Variants in ATP11A observed in about 807,000 individuals in gnomAD.
ATP11A encodes ATPase phospholipid transporting 11A, also known as phospholipid-transporting ATPase IH.
ATP11A carries 81 observed loss-of-function variants against 154.4 expected under a neutral mutation model. The ratio of observed to expected loss-of-function variants is 0.52; its 90% confidence interval spans 0.44 to 0.63. ATP11A has a LOEUF of 0.63. Ranked by LOEUF, ATP11A falls within the 30% of genes least tolerant of loss-of-function variation. ATP11A has a pLI of 0.00. For missense variants in ATP11A, 1,316 were observed against 1,474.3 expected (o/e 0.89, Z 1.76); for synonymous variants, 623 against 585.9 (o/e 1.06, Z -0.91).
chr13:112,822,649 G>A (rs2078828461), intron 8 of ATP11A, among the ~76,000 whole-genome samples: 1 of 151,908 alleles, frequency 6.6e-6, no homozygotes, highest in Non-Finnish European at 1.5e-5. Context: ...CACTTTGGGA[G>A]GCCAAAGCTC....
At position 112,842,333 on chromosome 13, in the gene ATP11A, A is replaced by T. The variant is rs770910722; in HGVS notation, c.1763A>T (p.Glu588Val). ...TCTTCGATATTCCCCCGAGTGATAGAAGGCAAAGTTGACCAGATCCGAGCC... is the reference window on the plus strand; with the variant it reads ...TCTTCGATATTCCCCCGAGTGATAGTAGGCAAAGTTGACCAGATCCGAGCC... ...ADSSIFPRVI[E>V]GKVDQIRARV... The change falls in exon 17 of 30, where the codon GAA becomes GTA. Residue 588 changes from glutamate (E) to valine (V), a missense_variant. Glu to Val is a moderately radical substitution (Grantham distance 121, BLOSUM62 -2). This residue lies in a region of ATP11A where 876 missense variants were observed against 1,006.8 expected (regional missense o/e 0.87). Coordinates refer to ENST00000375645, the MANE Select transcript of ATP11A (RefSeq NM_015205.3). 29 of 1,611,980 alleles carry T rather than the reference A, an allele frequency of 1.8e-5. No individual in the cohort carries two copies. Among genetic ancestry groups the T allele is most frequent in the Non-Finnish European group, 2.4e-5 (28 of 1,179,080 alleles).
intron 1 of ATP11A, among the ~76,000 whole-genome samples, chr13:112,719,794 TTTTGGTGACGTG>T (rs1888943462): frequency 6.6e-6 from 1 of 152,186 alleles, no homozygotes; most frequent in Non-Finnish European, 1.5e-5. Context: ...TAAAGTTCCA[TTTTGGTGACGTG>T]GCATTGAGCA....
intron 4 of ATP11A, among the ~76,000 whole-genome samples, chr13:112,806,980 T>C (rs2078340735): frequency 6.6e-6 from 1 of 152,238 alleles, no homozygotes; most frequent in African/African-American, 2.4e-5. Flanking sequence ...TTCCGTCTGA[T>C]GAATGAGTCA....
intron 1 of ATP11A, among the ~76,000 whole-genome samples, chr13:112,772,056 A>G (rs2077237594): frequency 6.6e-6 from 1 of 152,210 alleles, no homozygotes. Context: ...TCCCATGAGA[A>G]CTGAGTGCTT....
At chr13:112,778,664 G>C (rs2077408875) in intron 1 of ATP11A, among the ~76,000 whole-genome samples, 1 of 135,472 alleles carries the variant, frequency 7.4e-6, no homozygotes, top group African/African-American at 2.8e-5. Context: ...CCGCTGGAGT[G>C]AGGAGTAGCC....
chr13:112,744,194 G>A (rs778117817), intron 1 of ATP11A, among the ~76,000 whole-genome samples: 1 of 152,174 alleles, frequency 6.6e-6, no homozygotes, highest in Non-Finnish European at 1.5e-5. Context: ...GGTTTGGGAC[G>A]GTCTGGGAGG....
intron 29 of ATP11A, among the ~76,000 whole-genome samples, chr13:112,879,882 T>C (rs532072690): frequency 6.6e-6 from 1 of 152,360 alleles, no homozygotes; most frequent in African/African-American, 2.4e-5. Flanking sequence ...GTTATATATG[T>C]GCGATTTGCA....
chr13:112,769,015 T>G (rs1193358991), intron 1 of ATP11A, among the ~76,000 whole-genome samples: 1 of 152,046 alleles, frequency 6.6e-6, no homozygotes, highest in Admixed American at 6.5e-5. Context: ...TGGTGGAAAG[T>G]TGGTTATGTC....
chr13:112,879,179 C>G (rs1328795919), intron 29 of ATP11A, among the ~76,000 whole-genome samples: 1 of 152,258 alleles, frequency 6.6e-6, no homozygotes, highest in Non-Finnish European at 1.5e-5. Flanking sequence ...AAAATGCATA[C>G]TTGGTATTAC....
chr13:112,814,393 G>T (rs753240232), intron 5 of ATP11A, among the ~76,000 whole-genome samples: 1 of 151,726 alleles, frequency 6.6e-6, no homozygotes, highest in Non-Finnish European at 1.5e-5. Flanking sequence ...AGGACTGTAC[G>T]TTCAGTGTCC....
intron 1 of ATP11A, among the ~76,000 whole-genome samples, chr13:112,729,091 C>T (rs185710630): frequency 2.6e-5 from 4 of 152,196 alleles, no homozygotes; most frequent in Non-Finnish European, 4.4e-5. Context: ...AGGATCCTGA[C>T]GTCTTAAGAA....
intron 1 of ATP11A, among the ~76,000 whole-genome samples, chr13:112,718,947 C>T (rs189937764): frequency 8.5e-5 from 13 of 152,178 alleles, no homozygotes; most frequent in East Asian, 1.9e-4. Flanking sequence ...CCCAAAGTGC[C>T]GGGATTACAG....
rs77896209 is a variant in ATP11A at position 112,886,551 on chromosome 13, G to A, written c.*4685G>A. The A allele has an allele frequency of 6.6e-6, 1 of 151,190 alleles. No individual in the cohort carries two copies. The highest frequency in any genetic ancestry group is 1.9e-4 in the East Asian group (1 of 5,174). The allele number at this position is 151,190 out of a possible 1,614,324, so 9.4% of individuals were successfully genotyped here. On this transcript the variant is annotated 3_prime_UTR_variant, in exon 30 of 30. Transcript: ENST00000375645. ...CAAATGCAATCTTTTTTTTTTTTAA[G>A]CTAAAGGTGGGTGAACTGGAATGAA... is the stretch of plus-strand genomic sequence containing the variant.
chr13:112,788,879 A>G (rs2077742170), intron 2 of ATP11A, among the ~76,000 whole-genome samples: 1 of 151,678 alleles, frequency 6.6e-6, no homozygotes, highest in South Asian at 2.1e-4. Flanking sequence ...CCTGACGTGT[A>G]GACTCCTATG....
chr13:112,863,965 G>A (rs1230731294), intron 25 of ATP11A, among the ~76,000 whole-genome samples: 59 of 36,422 alleles, frequency 1.6e-3, no homozygotes, highest in East Asian at 5.3e-3. Context: ...AATTCAGTGC[G>A]GCCCATGCAG....
intron 18 of ATP11A, among the ~76,000 whole-genome samples, chr13:112,853,229 G>A (rs72660056): frequency 0.045 from 6,883 of 151,584 alleles, 213 homozygotes; most frequent in Admixed American, 0.074. Flanking sequence ...TCTCTTGCTC[G>A]CTCTCTTTCT....
intron 6 of ATP11A, among the ~76,000 whole-genome samples, chr13:112,816,466 T>A (rs1354550073): frequency 1.3e-5 from 2 of 152,240 alleles, no homozygotes; most frequent in Admixed American, 6.5e-5. Flanking sequence ...CATATTTTTA[T>A]AGTGAAATTG....
At chr13:112,825,671 T>A in intron 11 of ATP11A, 91 bp downstream of exon 11, 1 of 1,435,864 alleles carries the variant, frequency 7.0e-7, no homozygotes, top group Non-Finnish European at 9.3e-7. Flanking sequence ...ACGGTGAATT[T>A]ACTGTAGGCA....
chr13:112,863,231 G>A (rs1594211832), intron 25 of ATP11A, among the ~76,000 whole-genome samples: 1 of 141,000 alleles, frequency 7.1e-6, no homozygotes. Context: ...TCCCAGCGGG[G>A]TCCATCACCA....
Sources: allele counts gnomAD v4.1 joint callset (sites outside exome capture counted in the v4.1 genomes callset), GRCh38; gene constraint gnomAD v4.1.1; regional missense constraint gnomAD v4.1.1; transcripts MANE v1.5; gene names NCBI Gene and HGNC (gene_info 2026-07-23, HGNC 2026-07-21).